ARL10: variants seen among roughly 807,000 people sequenced by gnomAD.
ARL10 encodes the protein ARF like GTPase 10.
Under a neutral mutation model 26.1 loss-of-function variants are expected in ARL10, and 23 were observed. That is an observed-to-expected ratio of 0.88 (90% CI 0.63 to 1.25). ARL10 has a LOEUF of 1.25. Ranked by LOEUF, ARL10 falls within the 50% of genes most tolerant of loss-of-function variation. ARL10 has a pLI of 0.00. For synonymous variants in ARL10, 138 were observed against 149.1 expected, an observed-to-expected ratio of 0.93 and a Z score of 0.54; for missense variants, 300 against 323.6, an observed-to-expected ratio of 0.93 and a Z score of 0.56.
downstream of ARL10, chr5:176,389,645 C>A: frequency 3.6e-6 from 3 of 826,788 alleles, no homozygotes; most frequent in South Asian, 4.4e-5. Flanking sequence ...TAACTGTAAC[C>A]GAAAGTTTTT....
downstream of ARL10, chr5:176,384,480 A>G: frequency 3.5e-6 from 4 of 1,127,282 alleles, no homozygotes; most frequent in Non-Finnish European, 5.1e-6. Flanking sequence ...TGAGGTCCAG[A>G]ATCCTGACCT....
chr5:176,367,280 A>G (rs1032065585), intron 2 of ARL10, among the ~76,000 whole-genome samples: 6 of 151,296 alleles, frequency 4.0e-5, no homozygotes, highest in Non-Finnish European at 8.8e-5. Flanking sequence ...AAGTGCTGGG[A>G]TTACAGGCGT....
chr5:176,388,842 T>C (rs1205965187), downstream of ARL10: 1 of 1,614,114 alleles, frequency 6.2e-7, no homozygotes, highest in East Asian at 2.2e-5. Flanking sequence ...GGCCCTGTGA[T>C]TCCGGAGGTC....
downstream of ARL10, among the ~76,000 whole-genome samples, chr5:176,389,967 G>A (rs377632109): frequency 2.9e-3 from 442 of 152,124 alleles, 1 homozygote; most frequent in African/African-American, 0.01. Context: ...CGGATCACCT[G>A]AGGTCAAGAG....
At chr5:176,412,506 G>T in the ARL10 span, among the ~76,000 whole-genome samples, 1 of 152,166 alleles carries the variant, frequency 6.6e-6, no homozygotes, top group Non-Finnish European at 1.5e-5. Context: ...TATCTGCAAG[G>T]CTCTCAGAAA....
At chr5:176,388,667 C>T (rs1421348907), downstream of ARL10, 1 of 1,319,054 alleles carries the variant, frequency 7.6e-7, no homozygotes, top group Non-Finnish European at 1.1e-6. Flanking sequence ...CCTTTTGTAG[C>T]ACTACCGTGC....
At chr5:176,371,268 G>A (rs1768528405) in intron 3 of ARL10, among the ~76,000 whole-genome samples, 2 of 152,188 alleles carry the variant, frequency 1.3e-5, no homozygotes, top group South Asian at 2.1e-4. Flanking sequence ...CCAGCTACTA[G>A]GGAGGCTGAA....
At chr5:176,394,647 T>C (rs1756426286) in intron 1 of ARL10, among the ~76,000 whole-genome samples, 2 of 115,358 alleles carry the variant, frequency 1.7e-5, no homozygotes, top group Non-Finnish European at 4.0e-5. Flanking sequence ...ACCCCGTCTC[T>C]ACTAAAAAAT....
chr5:176,378,567 T>C lies in ARL10; in HGVS notation c.*6672T>C, dbSNP rs554350689. 5 of 152,344 alleles carry C rather than the reference T, an allele frequency of 3.3e-5. No individual in the cohort carries two copies. The highest frequency in any genetic ancestry group is 9.6e-5 in the African/African-American group (4 of 41,578). 9.4% of individuals were successfully genotyped at this position (152,344 alleles called of 1,614,324 possible). A position where few individuals can be genotyped will look rare whatever the true frequency, so the allele number is the denominator to read the frequency against. The stretch of plus-strand genomic sequence containing the variant: ...GTATATATACATAGCATGTCTGCTA[T>C]GTATATAGCATTTTCTGATTTCCCT... On this transcript the variant is annotated 3_prime_UTR_variant, in exon 4 of 4. Transcript: ENST00000310389.
downstream of ARL10, chr5:176,388,725 A>G (rs1321510641): frequency 7.9e-6 from 12 of 1,526,248 alleles, no homozygotes; most frequent in East Asian, 2.3e-5. Context: ...GCCTGCGTAC[A>G]AGGCTCAATT....
At chr5:176,384,620 C>T (rs1755688590), downstream of ARL10, 3 of 533,580 alleles carry the variant, frequency 5.6e-6, no homozygotes, top group Non-Finnish European at 9.9e-6. Flanking sequence ...GACCCTGTCT[C>T]TCCAAAAACA....
intron 1 of ARL10, among the ~76,000 whole-genome samples, chr5:176,400,042 T>C (rs983060752): frequency 6.6e-6 from 1 of 151,756 alleles, no homozygotes; most frequent in African/African-American, 2.4e-5. Context: ...AAACACAAAA[T>C]TAGCTGGGTG....
intron 1 of ARL10, among the ~76,000 whole-genome samples, chr5:176,401,107 C>A (rs141579242): frequency 4.6e-5 from 7 of 152,314 alleles, no homozygotes; most frequent in Non-Finnish European, 8.8e-5. Context: ...GTGGGCCCTT[C>A]TGGGGCCCTT....
At chr5:176,411,513 C>T in the ARL10 span, among the ~76,000 whole-genome samples, 1 of 152,200 alleles carries the variant, frequency 6.6e-6, no homozygotes, top group African/African-American at 2.4e-5. Context: ...CACCCCCATC[C>T]ACCCCTTGGG....
At chr5:176,386,606 A>C, downstream of ARL10, 1 of 617,518 alleles carries the variant, frequency 1.6e-6, no homozygotes, top group Admixed American at 2.2e-5. Flanking sequence ...GCACCTGGGT[A>C]CATCCTCCCT....
At chr5:176,402,805 T>A (rs572884590), downstream of ARL10, among the ~76,000 whole-genome samples, 1 of 151,978 alleles carries the variant, frequency 6.6e-6, no homozygotes, top group Non-Finnish European at 1.5e-5. Flanking sequence ...ACAGTTCAGA[T>A]AAAGAGAGTG....
Position 176,375,230 on chromosome 5 carries a change from A to T in ARL10, c.*3335A>T, listed in dbSNP as rs866509125. ...CACTCATCCACCCATCCACCCATCC[A>T]TCCATCCATCCATCCATCCTTCCAT... On this transcript the variant is annotated 3_prime_UTR_variant, in exon 4 of 4. Coordinates refer to ENST00000310389, the MANE Select transcript of ARL10 (RefSeq NM_173664.6). 2.3e-5 allele frequency: 3 copies of T among 132,752 alleles called. No homozygotes were observed. Among genetic ancestry groups the T allele is most frequent in the African/African-American group, 5.8e-5 (2 of 34,472 alleles). 8.2% of individuals were successfully genotyped at this position (132,752 alleles called of 1,614,324 possible).
At chr5:176,392,960 AG>A, downstream of ARL10, 1 of 1,613,940 alleles carries the variant, frequency 6.2e-7, no homozygotes, top group Non-Finnish European at 8.5e-7. The surrounding 1 kb of genome is among the most constrained non-coding windows in gnomAD (Gnocchi z 5.2). Flanking sequence ...GGGTGGAGAT[AG>A]GACGGGCTTT....
At chr5:176,396,557 G>T (rs751799129) in intron 1 of ARL10, 24 of 1,597,278 alleles carry the variant, frequency 1.5e-5, no homozygotes, top group Admixed American at 3.4e-5. Context: ...TGAGGGAAGG[G>T]GTTAGGTGGG....
Sources: gnomAD v4.1 joint callset for allele counts (sites outside exome capture counted in the v4.1 genomes callset) on GRCh38, gnomAD v4.1.1 for gene constraint, Gnocchi (gnomAD v3.1) non-coding constraint, MANE v1.5 for transcripts, NCBI Gene and HGNC (gene_info 2026-07-23, HGNC 2026-07-21) for gene names.